LARP4B: variants seen among roughly 807,000 people sequenced by gnomAD.
The protein encoded by LARP4B is La ribonucleoprotein 4B, also known as la-related protein 4B.
Under a neutral mutation model 89.8 loss-of-function variants are expected in LARP4B, and 12 were observed. That is an observed-to-expected ratio of 0.13 (90% CI 0.09 to 0.22). LARP4B has a LOEUF of 0.22. LARP4B is among the 10% of genes least tolerant of loss of function. LARP4B has a pLI of 1.00. For synonymous variants in LARP4B, 367 were observed against 363.3 expected, an observed-to-expected ratio of 1.01 and a Z score of -0.12; for missense variants, 757 against 947.7, an observed-to-expected ratio of 0.80 and a Z score of 2.64.
intron 1 of LARP4B, among the ~76,000 whole-genome samples, chr10:912,318 T>C (rs1206432946): frequency 6.8e-6 from 1 of 147,480 alleles, no homozygotes; most frequent in African/African-American, 2.5e-5. Context: ...GAAAAAAAAA[T>C]CGCAAAAAAA....
At chr10:982,024 GT>G in the LARP4B span, among the ~76,000 whole-genome samples, 1 of 151,358 alleles carries the variant, frequency 6.6e-6, no homozygotes, top group Non-Finnish European at 1.5e-5. Flanking sequence ...TAGCATATAT[GT>G]GCTAATCAAA....
chr10:877,847 G>A (rs1471154792), intron 3 of LARP4B, among the ~76,000 whole-genome samples: 2 of 152,174 alleles, frequency 1.3e-5, no homozygotes, highest in Non-Finnish European at 2.9e-5. Flanking sequence ...AGATTTGATG[G>A]AGCTTGCATT....
chr10:910,063 T>C (rs1414721843), intron 1 of LARP4B, among the ~76,000 whole-genome samples: 7 of 152,226 alleles, frequency 4.6e-5, no homozygotes, highest in Admixed American at 3.9e-4. Context: ...AGATCCATGC[T>C]GAGCAGAATT....
At chr10:940,032 T>TC in the LARP4B span, among the ~76,000 whole-genome samples, 2,153 of 145,410 alleles carry the variant, frequency 0.015, 63 homozygotes, top group African/African-American at 0.053. Context: ...TTTTTTTTTT[T>TC]TTGAGACGGA....
At chr10:902,544 A>G (rs1836371814) in intron 1 of LARP4B, among the ~76,000 whole-genome samples, 2 of 152,218 alleles carry the variant, frequency 1.3e-5, no homozygotes, top group African/African-American at 4.8e-5. Flanking sequence ...CTGGACTACC[A>G]AGAAGCATCA....
chr10:980,718 C>A, the LARP4B span, among the ~76,000 whole-genome samples: 1 of 152,210 alleles, frequency 6.6e-6, no homozygotes, highest in Non-Finnish European at 1.5e-5. Flanking sequence ...TTCTGCCCTC[C>A]TAGGCCTCTG....
chr10:929,742 T>C (rs1588999155), intron 1 of LARP4B, among the ~76,000 whole-genome samples: 2 of 152,184 alleles, frequency 1.3e-5, no homozygotes, highest in East Asian at 3.9e-4. Context: ...CGAGGGTAAC[T>C]TCTAATGAAT....
chr10:948,933 C>T, the LARP4B span, among the ~76,000 whole-genome samples: 1 of 152,210 alleles, frequency 6.6e-6, no homozygotes, highest in Admixed American at 6.5e-5. Context: ...CAGTTTTTGA[C>T]CATGATGAAT....
rs1425492803 is a variant in LARP4B at position 810,598 on chromosome 10, G to A, written c.*2328C>T. On this transcript the variant is annotated 3_prime_UTR_variant, in exon 18 of 18. Coordinates refer to ENST00000316157, the MANE Select transcript of LARP4B (RefSeq NM_015155.3). ...GCGCTGCAATGCTCACACCTTGGGG[G>A]AAAGGACTTCTCATTATTAAAAACC... 1 of 152,226 alleles carries A rather than the reference G, an allele frequency of 6.6e-6. No homozygotes were observed. The highest frequency in any genetic ancestry group is 2.4e-5 in the African/African-American group (1 of 41,458). The allele number at this position is 152,226 out of a possible 1,614,324, so 9.4% of individuals were successfully genotyped here.
chr10:905,575 T>C (rs921443744), intron 1 of LARP4B, among the ~76,000 whole-genome samples: 3 of 152,224 alleles, frequency 2.0e-5, no homozygotes, highest in Non-Finnish European at 4.4e-5. Flanking sequence ...TTTGCAATTA[T>C]GTTTTTTTCC....
At chr10:908,170 G>T (rs1253694774) in intron 1 of LARP4B, among the ~76,000 whole-genome samples, 1 of 152,132 alleles carries the variant, frequency 6.6e-6, no homozygotes, top group East Asian at 1.9e-4. Flanking sequence ...CCAAGATCAT[G>T]CCACTGCACT....
chr10:920,873 T>C (rs1417768693), intron 1 of LARP4B, among the ~76,000 whole-genome samples: 3 of 152,230 alleles, frequency 2.0e-5, no homozygotes, highest in Non-Finnish European at 4.4e-5. Flanking sequence ...GCAACTGGGT[T>C]AAGGCTGATT....
the LARP4B span, among the ~76,000 whole-genome samples, chr10:957,526 A>G: frequency 6.6e-6 from 1 of 152,144 alleles, no homozygotes; most frequent in Non-Finnish European, 1.5e-5. Flanking sequence ...AGATACTTAT[A>G]TGAATTGCTT....
chr10:974,957 G>C, the LARP4B span, among the ~76,000 whole-genome samples: 1 of 152,216 alleles, frequency 6.6e-6, no homozygotes, highest in African/African-American at 2.4e-5. Context: ...GTGGAAGCCA[G>C]GGCAGGCTCA....
rs572862620 is a variant in LARP4B at position 878,283 on chromosome 10, T to C, written c.141+6164A>G. ...ACTTGGCCTTCTCGAAGGGATCCTC[T>C]GGCCACTGTGTTAGAAAGGAAGGGT... On this transcript the variant is annotated intron_variant, in intron 3 of 17. Coordinates refer to ENST00000316157, the MANE Select transcript of LARP4B (RefSeq NM_015155.3). Among the ~76,000 whole-genome samples the C allele has an allele frequency of 7.9e-5, 12 of 152,258 alleles. No individual in the cohort carries two copies. The East Asian group carries it at 2.3e-3, about 29-fold the overall frequency.
At chr10:860,541 C>G (rs1745320823) in intron 5 of LARP4B, among the ~76,000 whole-genome samples, 1 of 152,170 alleles carries the variant, frequency 6.6e-6, no homozygotes. Flanking sequence ...CTTTTATGAA[C>G]ACTTTTTATT....
At chr10:843,815 G>C (rs1023770366) in intron 6 of LARP4B, among the ~76,000 whole-genome samples, 2 of 152,164 alleles carry the variant, frequency 1.3e-5, no homozygotes, top group Non-Finnish European at 2.9e-5. Flanking sequence ...GTAGACTCTG[G>C]AACACTCACC....
chr10:885,917 A>C (rs1387448232), intron 1 of LARP4B, among the ~76,000 whole-genome samples, 157 bp from the exon 2 acceptor site: 1 of 152,216 alleles, frequency 6.6e-6, no homozygotes, highest in Non-Finnish European at 1.5e-5. Flanking sequence ...TTACTCACCA[A>C]GAAGTGATAC....
At chr10:892,902 A>ATTTTTTTTTTTTTTTTTTTTTT (rs56051964) in intron 1 of LARP4B, among the ~76,000 whole-genome samples, 1 of 117,946 alleles carries the variant, frequency 8.5e-6, no homozygotes, top group Non-Finnish European at 1.7e-5. Context: ...ACCAAGAGAA[A>ATTTTTTTTTTTTTTTTTTTTTT]TTTTTTTTTT....
Sources: gnomAD v4.1 joint callset for allele counts (sites outside exome capture counted in the v4.1 genomes callset) on GRCh38, gnomAD v4.1.1 for gene constraint, MANE v1.5 for transcripts, NCBI Gene and HGNC (gene_info 2026-07-23, HGNC 2026-07-21) for gene names.